Variants in DDX60L observed in about 807,000 individuals in gnomAD.
The protein encoded by DDX60L is DExD/H-box 60 like, also known as probable ATP-dependent RNA helicase DDX60-like.
In DDX60L, 191 loss-of-function variants were observed where a neutral mutation model predicts 211.6. That is an observed-to-expected ratio of 0.90 (90% CI 0.80 to 1.02). The LOEUF is 1.02. DDX60L is among the 50% of genes least tolerant of loss of function. The probability of loss-of-function intolerance (pLI) is 0.00; values close to 1 mark genes in which losing one functional copy is unlikely to be tolerated. For synonymous variants in DDX60L, 706 were observed against 694.1 expected, an observed-to-expected ratio of 1.02 and a Z score of -0.27; for missense variants, 2,007 against 1,984.1, an observed-to-expected ratio of 1.01 and a Z score of -0.22.
chr4:168,442,342 C>T (rs1754000983), intron 9 of DDX60L, among the ~76,000 whole-genome samples: 1 of 152,162 alleles, frequency 6.6e-6, no homozygotes, highest in Non-Finnish European at 1.5e-5. Flanking sequence ...GCACCTGGCT[C>T]AGAGGGTCCT....
At chr4:168,362,172 A>G (rs1739227546) in intron 36 of DDX60L, among the ~76,000 whole-genome samples, 3 of 152,182 alleles carry the variant, frequency 2.0e-5, no homozygotes, top group Admixed American at 2.0e-4. Context: ...ACCTCCTGAA[A>G]AGACTGCGGC....
rs778855219 is a variant in DDX60L at position 168,453,197 on chromosome 4, G to C, written c.923C>G (p.Pro308Arg). ...CLCVAFQLHL[P>R]LSQRACSRVI... is the part of the protein sequence containing the mutation. ...TCGAGAACAAGCTCTCTGAGAAAGG[G>C]GTAAGTGGAGTTGAAAAGCCACACA... The change falls in exon 8 of 38, where the codon CCC becomes CGC. Residue 308 changes from proline to arginine, a missense_variant. Physicochemically the swap from Pro to Arg is moderately radical, Grantham distance 103. Transcript: ENST00000682922. The C allele has an allele frequency of 1.2e-6, 2 of 1,613,262 alleles. No homozygotes were observed. The highest frequency in any genetic ancestry group is 4.5e-5 in the East Asian group (2 of 44,876).
At chr4:168,390,241 G>A in intron 29 of DDX60L, 1 of 1,056,826 alleles carries the variant, frequency 9.5e-7, no homozygotes, top group Non-Finnish European at 1.1e-6. Flanking sequence ...TTTTGGCAAG[G>A]AAGAGAAAAA....
At chr4:168,414,540 A>G (rs1029470456) in intron 22 of DDX60L, among the ~76,000 whole-genome samples, 6 of 152,174 alleles carry the variant, frequency 3.9e-5, no homozygotes, top group African/African-American at 1.4e-4. Context: ...CAGTATATCA[A>G]AGAGGTATCC....
At position 168,480,365 on chromosome 4, in the gene DDX60L, C is replaced by T. The variant is rs1238096584; in HGVS notation, c.-111+12G>A. ...GTCCCTAGCGACACCCGACGTCACCCGCAATCCTCACCCCGGCCGCCGAAC... is the reference window on the plus strand; with the variant it reads ...GTCCCTAGCGACACCCGACGTCACCTGCAATCCTCACCCCGGCCGCCGAAC... On this transcript the variant is annotated intron_variant, in intron 1 of 37. Transcript: ENST00000682922. 1 of 152,470 alleles carries T rather than the reference C, an allele frequency of 6.6e-6. No individual in the cohort carries two copies. Among genetic ancestry groups the T allele is most frequent in the Non-Finnish European group, 1.5e-5 (1 of 68,314 alleles). 9.4% of individuals were successfully genotyped at this position (152,470 alleles called of 1,614,324 possible). A position where few individuals can be genotyped will look rare whatever the true frequency, so the allele number is the denominator to read the frequency against.
In DDX60L at chr4:168,453,301, A is replaced by C. The variant is rs1209575354; in HGVS notation, c.838-19T>G. 1.3e-6 allele frequency: 2 copies of C among 1,599,248 alleles called. No homozygotes were observed. The highest frequency in any genetic ancestry group is 2.7e-5 in the African/African-American group (2 of 74,304). Reference sequence around the variant, plus strand: ...TGTGCACCTGCGTACAATAAAGAAGATGAGAACAGTCACAATGTCACGCTG... The same window carrying C: ...TGTGCACCTGCGTACAATAAAGAAGCTGAGAACAGTCACAATGTCACGCTG... On this transcript the variant is annotated intron_variant, in intron 7 of 37. Coordinates refer to ENST00000682922, the MANE Select transcript of DDX60L (RefSeq NM_001012967.3).
intron 13 of DDX60L, among the ~76,000 whole-genome samples, chr4:168,429,768 G>C (rs1212491481): frequency 6.6e-6 from 1 of 152,176 alleles, no homozygotes; most frequent in Non-Finnish European, 1.5e-5. Flanking sequence ...ATCCCACTTG[G>C]TGCTGTTCTC....
At chr4:168,379,166 A>G (rs1335615664) in intron 32 of DDX60L, among the ~76,000 whole-genome samples, 197 bp downstream of exon 32, 1 of 152,256 alleles carries the variant, frequency 6.6e-6, no homozygotes, top group Admixed American at 6.5e-5. Context: ...AGTAGCCCTC[A>G]AATACTCTTT....
rs539281324 is a variant in DDX60L, at chr4:168,390,041, C to T, written c.3915+1499G>A. Reference sequence around the variant, plus strand: ...AGGTGGTTGTTGAGGGATGTAAGTGCAAGGGGCAATTCCCAGAAAGGTCTG... The same window carrying T: ...AGGTGGTTGTTGAGGGATGTAAGTGTAAGGGGCAATTCCCAGAAAGGTCTG... On this transcript the variant is annotated intron_variant, in intron 29 of 37. Transcript: ENST00000682922. 7.6e-6 allele frequency: 5 copies of T among 661,404 alleles called. No homozygotes were observed. The South Asian group carries it at 2.7e-4, about 36-fold the overall frequency. The allele number at this position is 661,404 out of a possible 1,614,324, so 41.0% of individuals were successfully genotyped here.
intron 36 of DDX60L, among the ~76,000 whole-genome samples, chr4:168,364,117 C>T (rs527400690): frequency 6.6e-6 from 1 of 150,378 alleles, no homozygotes; most frequent in East Asian, 2.0e-4. Context: ...GAGACTCCAT[C>T]TCTTAAAAAA....
chr4:168,477,137 T>C lies in DDX60L; in HGVS notation c.-111+3240A>G, dbSNP rs551933822. On this transcript the variant is annotated intron_variant, in intron 1 of 37. Transcript: ENST00000682922. ...ATTGGTACAAAAGTGAAATCTTGGC[T>C]GGGCGCGGTGGCTCACGTCTGTAAT... Among the ~76,000 whole-genome samples the C allele has an allele frequency of 7.6e-4, 115 of 152,300 alleles. 1 individual carries two copies. The highest frequency in any genetic ancestry group is 1.3e-3 in the Non-Finnish European group (86 of 68,006).
At chr4:168,457,653 T>C (rs916535962) in intron 6 of DDX60L, among the ~76,000 whole-genome samples, 1 of 152,178 alleles carries the variant, frequency 6.6e-6, no homozygotes. Context: ...TACAATTTTC[T>C]AGTTTCCCAG....
chr4:168,432,948 A>C, intron 11 of DDX60L, 62 bp downstream of exon 11: 93 of 830,178 alleles, frequency 1.1e-4, no homozygotes, highest in Middle Eastern at 5.3e-4. Flanking sequence ...TTGATGAGTC[A>C]TTCACTTCAC....
At chr4:168,397,185 G>T (rs1271776871) in intron 26 of DDX60L, among the ~76,000 whole-genome samples, 1 of 152,186 alleles carries the variant, frequency 6.6e-6, no homozygotes, top group African/African-American at 2.4e-5. Flanking sequence ...ATAAGTTTCT[G>T]TTTAGAAGCC....
intron 30 of DDX60L, chr4:168,380,722 T>G (rs576677377): frequency 6.6e-6 from 1 of 152,308 alleles, no homozygotes; most frequent in Admixed American, 6.5e-5. Flanking sequence ...ATTTTGGAAC[T>G]GCATAGTGGA....
intron 9 of DDX60L, among the ~76,000 whole-genome samples, chr4:168,446,568 A>G (rs988682885): frequency 1.3e-5 from 2 of 152,168 alleles, no homozygotes; most frequent in African/African-American, 2.4e-5. Flanking sequence ...AGACTGCATC[A>G]CCAAGTCAAT....
chr4:168,467,662 T>C (rs1758187533), intron 4 of DDX60L, among the ~76,000 whole-genome samples: 1 of 152,110 alleles, frequency 6.6e-6, no homozygotes, highest in African/African-American at 2.4e-5. Context: ...ATTAACGAAA[T>C]TGACTTTGTT....
At chr4:168,460,325 C>T (rs958301665) in intron 5 of DDX60L, among the ~76,000 whole-genome samples, 1 of 152,174 alleles carries the variant, frequency 6.6e-6, no homozygotes, top group African/African-American at 2.4e-5. Context: ...CTTCAGACTT[C>T]ATGAGTTTAT....
At chr4:168,384,835 A>T (rs764892893) in intron 29 of DDX60L, 23 bp from the exon 30 acceptor site, 2 of 1,599,052 alleles carry the variant, frequency 1.3e-6, no homozygotes, top group Admixed American at 3.4e-5. Flanking sequence ...AAGAATCACA[A>T]TGTAAAACCT....
Sources: allele counts gnomAD v4.1 joint callset (sites outside exome capture counted in the v4.1 genomes callset), GRCh38; gene constraint gnomAD v4.1.1; transcripts MANE v1.5; gene names NCBI Gene and HGNC (gene_info 2026-07-23, HGNC 2026-07-21).